PCDH11Y: variants seen among roughly 807,000 people sequenced by gnomAD.
PCDH11Y encodes the protein protocadherin-11 Y-linked.
For synonymous variants in PCDH11Y, 9 were observed against 83.6 expected (o/e 0.11, Z 4.87); for missense variants, 12 against 224.8 (o/e 0.05, Z 6.05).
intron 1 of PCDH11Y, among the ~76,000 whole-genome samples, chrY:5,068,540 C>T (rs1452782416): frequency 5.0e-5 from 1 of 19,802 alleles, no homozygotes; most frequent in Non-Finnish European, 1.1e-4. Context: ...TCTTTGTGTC[C>T]TCTGTGTGTG....
chrY:5,398,726 TA>T (rs2053229552), intron 2 of PCDH11Y, among the ~76,000 whole-genome samples: 3 of 33,975 alleles, frequency 8.8e-5, no homozygotes, highest in African/African-American at 2.3e-4. Context: ...TTTACTAGAC[TA>T]AAAAACAAAA....
intron 2 of PCDH11Y, among the ~76,000 whole-genome samples, chrY:5,384,491 A>C: frequency 3.2e-5 from 1 of 31,027 alleles, no homozygotes; most frequent in South Asian, 7.4e-4. Flanking sequence ...TATGATACTC[A>C]GGAGAATAAA....
chrY:5,109,908 A>G, downstream of PCDH11Y, among the ~76,000 whole-genome samples: 1 of 33,600 alleles, frequency 3.0e-5, no homozygotes, highest in Non-Finnish European at 7.3e-5. Context: ...TACATACACA[A>G]ATATATCCAA....
At chrY:5,356,885 C>CA (rs749591082) in intron 2 of PCDH11Y, among the ~76,000 whole-genome samples, 70 of 5,472 alleles carry the variant, frequency 0.013, no homozygotes, top group Non-Finnish European at 0.02. Context: ...AACTCTGTCT[C>CA]AAAAAAAAAA....
intron 2 of PCDH11Y, among the ~76,000 whole-genome samples, chrY:5,345,852 G>A: frequency 3.2e-5 from 1 of 31,715 alleles, no homozygotes; most frequent in Admixed American, 2.9e-4. Context: ...TAGTAGAGAT[G>A]GGGTTTCACC....
intron 1 of PCDH11Y, among the ~76,000 whole-genome samples, chrY:5,083,350 G>C: frequency 3.1e-5 from 1 of 32,550 alleles, no homozygotes. Context: ...TTAGTTGATG[G>C]TGCAGGATGC....
chrY:5,367,901 C>T (rs2053182981), intron 2 of PCDH11Y, among the ~76,000 whole-genome samples: 3 of 31,124 alleles, frequency 9.6e-5, no homozygotes, highest in Admixed American at 3.0e-4. Context: ...CGGTGGCTCA[C>T]GCCTGTAATC....
chrY:5,464,580 T>C (rs2124684117), intron 2 of PCDH11Y, among the ~76,000 whole-genome samples: 1 of 32,561 alleles, frequency 3.1e-5, no homozygotes, highest in East Asian at 8.4e-4. Flanking sequence ...AGCCAAACTG[T>C]AGTGATATTA....
chrY:5,026,743 C>A (rs2124620659), intron 1 of PCDH11Y, among the ~76,000 whole-genome samples: 4 of 33,285 alleles, frequency 1.2e-4, no homozygotes, highest in Non-Finnish European at 3.0e-4. Flanking sequence ...AATCTTCTGG[C>A]GTTCTTTAAA....
exon 5 of PCDH11Y, chrY:5,739,727 TTGAC>T (rs2053615073): frequency 3.0e-5 from 1 of 33,096 alleles, no homozygotes. Flanking sequence ...TAAGTCATAT[TTGAC>T]TGGGCGTGCA....
chrY:5,081,811 T>C, intron 1 of PCDH11Y, among the ~76,000 whole-genome samples: 3 of 28,500 alleles, frequency 1.1e-4, no homozygotes, highest in Admixed American at 3.3e-4. Flanking sequence ...GATCATCTCA[T>C]CTGCAAAGAC....
At chrY:5,149,910 G>A in intron 2 of PCDH11Y, among the ~76,000 whole-genome samples, 1 of 32,403 alleles carries the variant, frequency 3.1e-5, no homozygotes, top group East Asian at 8.3e-4. Context: ...CTTCAAGTTG[G>A]TGCATAAATT....
intron 4 of PCDH11Y, among the ~76,000 whole-genome samples, chrY:5,683,838 GA>G (rs2053560741): frequency 3.0e-5 from 1 of 33,340 alleles, no homozygotes; most frequent in Admixed American, 2.7e-4. Context: ...CATACTTTAA[GA>G]ACTCAAACTA....
chrY:5,557,131 T>C (rs2053423518), intron 3 of PCDH11Y, among the ~76,000 whole-genome samples: 27 of 32,894 alleles, frequency 8.2e-4, no homozygotes, highest in African/African-American at 3.2e-3. Flanking sequence ...TAGCTTAACA[T>C]AGCTTTTGCT....
chrY:5,283,342 A>C, intron 2 of PCDH11Y, among the ~76,000 whole-genome samples: 12 of 30,350 alleles, frequency 4.0e-4, no homozygotes, highest in Admixed American at 3.8e-3. Flanking sequence ...ATTCAGATTT[A>C]CAGTAAAAAA....
intron 4 of PCDH11Y, among the ~76,000 whole-genome samples, chrY:5,727,733 T>C: frequency 3.1e-5 from 1 of 32,492 alleles, no homozygotes; most frequent in Non-Finnish European, 7.6e-5. Flanking sequence ...AAAAGATAAT[T>C]TATAAAAAGT....
At position 5,080,153 on chromosome Y, in the gene PCDH11Y, C is replaced by A. The variant is rs1602858192; in HGVS notation, c.637-18062C>A. Among the ~76,000 whole-genome samples the A allele has an allele frequency of 1.6e-3, 47 of 30,058 alleles. No individual in the cohort carries two copies. In the South Asian group the frequency reaches 0.036, roughly 23 times the overall value. 80.6% of individuals were successfully genotyped at this position (30,058 alleles called of 37,273 possible). On this transcript the variant is annotated intron_variant, in intron 1 of 1. Coordinates refer to ENST00000215473, the Ensembl canonical transcript of PCDH11Y. ...CAAGAGTCACCTTTGCTCCAGTTCC[C>A]AACAAGTTCCTCATCTCCATCTGAG... is the stretch of plus-strand genomic sequence containing the variant.
At chrY:5,145,021 T>A in intron 2 of PCDH11Y, among the ~76,000 whole-genome samples, 1 of 28,938 alleles carries the variant, frequency 3.5e-5, no homozygotes, top group Admixed American at 3.4e-4. Flanking sequence ...ACTGTCTCCA[T>A]AGTTTTACCT....
intron 4 of PCDH11Y, among the ~76,000 whole-genome samples, chrY:5,704,718 C>G: frequency 3.1e-5 from 1 of 32,606 alleles, no homozygotes; most frequent in Non-Finnish European, 7.5e-5. Flanking sequence ...CGTGAGCCAC[C>G]GCGCCCGGCC....
Sources: gnomAD v4.1 joint callset for allele counts (sites outside exome capture counted in the v4.1 genomes callset) on GRCh38, gnomAD v4.1.1 for gene constraint, MANE v1.5 for transcripts, NCBI Gene and HGNC (gene_info 2026-07-23, HGNC 2026-07-21) for gene names.